CATSPERD: variants seen among roughly 807,000 people sequenced by gnomAD.
CATSPERD encodes the protein catsper channel auxiliary subunit delta.
CATSPERD carries 86 observed loss-of-function variants against 98.1 expected under a neutral mutation model. The observed-to-expected ratio is 0.88, with a 90% CI of 0.74 to 1.05. The LOEUF (loss-of-function observed/expected upper bound fraction) is 1.05, where lower values mean the gene tolerates loss of function less well. CATSPERD is among the 50% of genes least tolerant of loss of function. The pLI, the probability that CATSPERD is intolerant of heterozygous loss-of-function variation, is 0.00. For synonymous variants in CATSPERD, 394 were observed against 390.2 expected (o/e 1.01, Z -0.12); for missense variants, 995 against 1,005.7 (o/e 0.99, Z 0.14).
intron 12 of CATSPERD, among the ~76,000 whole-genome samples, chr19:5,752,476 A>G (rs1399260824): frequency 1.3e-5 from 2 of 152,092 alleles, no homozygotes; most frequent in Non-Finnish European, 2.9e-5. Flanking sequence ...CCTCGTTTCT[A>G]AAACACTAAT....
intron 20 of CATSPERD, among the ~76,000 whole-genome samples, chr19:5,775,912 G>A (rs182282523): frequency 7.4e-4 from 113 of 152,272 alleles, no homozygotes; most frequent in African/African-American, 2.7e-3. Context: ...GTGGTATACG[G>A]AGTTGATCAC....
rs1218971921 is a variant in CATSPERD, at chr19:5,771,014, C to T, written c.1705C>T (p.Gln569Ter). The change falls in exon 19 of 22, where the codon CAG (glutamine) becomes TAG (stop). Residue 569 changes from glutamine to a stop codon, truncating the protein, a stop_gained. Coordinates refer to ENST00000381624, the MANE Select transcript of CATSPERD (RefSeq NM_152784.4). LOFTEE classifies it high-confidence loss of function. Reference sequence around the variant, plus strand: ...CCTGCACGTGTTTTACTCCTACCAGCAGCTGGGCTGTCCTCTCCTCGTCTA... The same window carrying T: ...CCTGCACGTGTTTTACTCCTACCAGTAGCTGGGCTGTCCTCTCCTCGTCTA... Reference protein sequence around the residue: ...EDLHVFYSYQQLGCPLLVYYD... With the variant: ...EDLHVFYSYQ 1 of 1,614,084 alleles carries T rather than the reference C, an allele frequency of 6.2e-7. No homozygotes were observed. The highest frequency in any genetic ancestry group is 8.5e-7 in the Non-Finnish European group (1 of 1,179,976).
intron 15 of CATSPERD, among the ~76,000 whole-genome samples, 182 bp from the exon 16 acceptor site, chr19:5,763,033 G>A (rs1033561635): frequency 1.3e-5 from 2 of 151,544 alleles, no homozygotes; most frequent in African/African-American, 4.9e-5. Flanking sequence ...TGGGTAGAGA[G>A]ATGGAAGGGT....
chr19:5,738,424 C>T (rs1159442758), intron 6 of CATSPERD, among the ~76,000 whole-genome samples: 1 of 151,426 alleles, frequency 6.6e-6, no homozygotes, highest in Non-Finnish European at 1.5e-5. Flanking sequence ...CCCAGTTACT[C>T]AGGTCGCTGG....
At chr19:5,747,387 C>G (rs1308553166) in intron 9 of CATSPERD, among the ~76,000 whole-genome samples, 1 of 151,800 alleles carries the variant, frequency 6.6e-6, no homozygotes, top group Non-Finnish European at 1.5e-5. Flanking sequence ...GGGCTGGTCT[C>G]AAACTCCTGG....
intron 13 of CATSPERD, among the ~76,000 whole-genome samples, chr19:5,757,278 A>T (rs1370782354): frequency 6.8e-6 from 1 of 147,962 alleles, no homozygotes; most frequent in East Asian, 2.0e-4. Context: ...AAAATAATAA[A>T]TAAATGCATT....
intron 20 of CATSPERD, chr19:5,775,269 G>A (rs1279691658): frequency 1.1e-5 from 5 of 471,346 alleles, no homozygotes; most frequent in Non-Finnish European, 2.2e-5. Context: ...GCATGGGGAA[G>A]AAGAGAGCTC....
chr19:5,772,631 A>T (rs1012151627), intron 19 of CATSPERD, among the ~76,000 whole-genome samples, 157 bp from the exon 20 acceptor site: 1 of 151,610 alleles, frequency 6.6e-6, no homozygotes, highest in Non-Finnish European at 1.5e-5. Context: ...CAGCCCACAC[A>T]CGGCATCCTC....
chr19:5,753,364 T>G (rs12980104), intron 12 of CATSPERD: 26,254 of 165,022 alleles, frequency 0.16, 2,362 homozygotes, highest in East Asian at 0.33. Flanking sequence ...ATCGAGACCT[T>G]CCTGGCTAAC....
At position 5,745,911 on chromosome 19, in the gene CATSPERD, A is replaced by G. The variant is rs2056083652; in HGVS notation, c.658-2A>G. On this transcript the variant is annotated splice_acceptor_variant, in intron 8 of 21. Coordinates refer to ENST00000381624, the MANE Select transcript of CATSPERD (RefSeq NM_152784.4). LOFTEE classifies it high-confidence loss of function. ...AGGCTGAATGGTGTCTTTTTCTCCC[A>G]GGGCATGTTCAAGTACTCAGATCAC... is the stretch of plus-strand genomic sequence containing the variant. The G allele has an allele frequency of 6.2e-7, 1 of 1,613,802 alleles. No homozygotes were observed. Among genetic ancestry groups the G allele is most frequent in the Non-Finnish European group, 8.5e-7 (1 of 1,179,912 alleles).
intron 7 of CATSPERD, 26 bp from the exon 8 acceptor site, chr19:5,744,401 T>C: frequency 6.3e-7 from 1 of 1,579,312 alleles, no homozygotes; most frequent in Non-Finnish European, 8.7e-7. Flanking sequence ...TTTATTCATC[T>C]GAAGTCTTTT....
Position 5,751,739 on chromosome 19 carries a change from C to A in CATSPERD, c.1080C>A (p.Ala360=). 6.2e-7 allele frequency: 1 copy of A among 1,613,902 alleles called. No homozygotes were observed. The highest frequency in any genetic ancestry group is 8.5e-7 in the Non-Finnish European group (1 of 1,179,974). ...TACTGACCCCACTGCGTGACACAGC[C>A]TTTCCAGCTTTTGATTTCCAGAAGT... The part of the protein sequence containing the change: ...LEILTPLRDT[A]FPAFDFQKCL... The change falls in exon 12 of 22, where the codon GCC becomes GCA. Residue 360 remains alanine, a synonymous_variant. Transcript: ENST00000381624.
chr19:5,751,197 C>CAAAAAAA (rs556079596), intron 11 of CATSPERD, among the ~76,000 whole-genome samples: 33 of 46,628 alleles, frequency 7.1e-4, no homozygotes, highest in Non-Finnish European at 9.3e-4. Flanking sequence ...GATTCCGTCT[C>CAAAAAAA]AAAAAAAAAA....
intron 3 of CATSPERD, among the ~76,000 whole-genome samples, chr19:5,728,356 CAA>C (rs564166119): frequency 1.5e-3 from 123 of 80,924 alleles, no homozygotes; most frequent in African/African-American, 2.5e-3. Flanking sequence ...GACTCTGTCT[CAA>C]AAAAAAAAAA....
chr19:5,748,164 G>C lies in CATSPERD; in HGVS notation c.813G>C (p.Gln271His). 6.2e-7 allele frequency: 1 copy of C among 1,613,780 alleles called. No individual in the cohort carries two copies. Among genetic ancestry groups the C allele is most frequent in the African/African-American group, 1.3e-5 (1 of 74,994 alleles). The change falls in exon 10 of 22, where the codon CAG becomes CAC. Residue 271 changes from glutamine to histidine, a missense_variant. Gln to His is a conservative substitution (Grantham distance 24, BLOSUM62 0). This residue lies in a region of CATSPERD where 762 missense variants were observed against 773.7 expected (regional missense o/e 0.98). Transcript: ENST00000381624. ...ACCTGTCCTGTTACCTCCTAGGTCA[G>C]CTCGTCGACACCGTCCGGGTGAAAA... ...NSLLFSHNAG[Q>H]LVDTVRVKKG...
chr19:5,778,381 G>C lies in CATSPERD; in HGVS notation c.2102G>C (p.Cys701Ser). Residue 701 changes from cysteine (C) to serine (S), a missense_variant, in exon 22 of 22, where the codon TGT becomes TCT. By Grantham distance (112) the Cys-to-Ser change is moderately radical. Coordinates refer to ENST00000381624, the MANE Select transcript of CATSPERD (RefSeq NM_152784.4). ...CCCGCCTCCCCCCACCGCAGCTACT[G>C]TCAACTGGAGACCATCTTTAGCATC... ...ISIVDPYYSYCQLETIFSIYV... is the reference protein window; with the variant it reads ...ISIVDPYYSYSQLETIFSIYV... 6.2e-7 allele frequency: 1 copy of C among 1,605,360 alleles called. No individual in the cohort carries two copies. Among genetic ancestry groups the C allele is most frequent in the South Asian group, 1.1e-5 (1 of 90,476 alleles).
intron 2 of CATSPERD, among the ~76,000 whole-genome samples, chr19:5,726,893 C>T (rs1347090868): frequency 3.3e-5 from 5 of 151,966 alleles, no homozygotes; most frequent in Non-Finnish European, 7.4e-5. Context: ...GATAATAGTG[C>T]GTATTAAAAA....
intron 2 of CATSPERD, among the ~76,000 whole-genome samples, chr19:5,725,377 C>G (rs890526995): frequency 2.0e-5 from 3 of 152,108 alleles, no homozygotes; most frequent in African/African-American, 7.2e-5. Flanking sequence ...TCTCGAGCTC[C>G]TGGACTTAAG....
At position 5,739,513 on chromosome 19, in the gene CATSPERD, G is replaced by GT. The variant is rs1274811190; in HGVS notation, c.573+75dup. On this transcript the variant is annotated intron_variant, in intron 7 of 21. Transcript: ENST00000381624. ...TGATTGTAGTAATTGCTGTCAATGG[G>GT]TGCGTGAGGGTGTTTTCCTCTTTAA... is the stretch of plus-strand genomic sequence containing the variant. 7.1e-6 allele frequency: 6 copies of GT among 842,110 alleles called. 1 individual carries two copies. The allele number at this position is 842,110 out of a possible 1,614,324, so 52.2% of individuals were successfully genotyped here. A position where few individuals can be genotyped will look rare whatever the true frequency, so the allele number is the denominator to read the frequency against.
Sources: gnomAD v4.1 joint callset for allele counts (sites outside exome capture counted in the v4.1 genomes callset) on GRCh38, gnomAD v4.1.1 for gene constraint, gnomAD v4.1.1 regional missense constraint, MANE v1.5 for transcripts, NCBI Gene and HGNC (gene_info 2026-07-23, HGNC 2026-07-21) for gene names.